Variants in ST8SIA6 observed in about 807,000 individuals in gnomAD.
ST8SIA6 encodes the protein alpha-2,8-sialyltransferase 8F.
Under a neutral mutation model 33.6 loss-of-function variants are expected in ST8SIA6, and 39 were observed. The ratio of observed to expected loss-of-function variants is 1.16; its 90% confidence interval spans 0.90 to 1.52. The LOEUF (loss-of-function observed/expected upper bound fraction) is 1.52, where lower values mean the gene tolerates loss of function less well. Among genes scored for constraint, ST8SIA6 ranks in the 40% most tolerant of loss-of-function variants. The pLI, the probability that ST8SIA6 is intolerant of heterozygous loss-of-function variation, is 0.00. For missense variants in ST8SIA6, 441 were observed against 443.8 expected, an observed-to-expected ratio of 0.99 and a Z score of 0.06; for synonymous variants, 172 against 167.2, an observed-to-expected ratio of 1.03 and a Z score of -0.22.
chr10:17,342,707 T>A (rs1848716691), intron 4 of ST8SIA6, among the ~76,000 whole-genome samples: 2 of 152,044 alleles, frequency 1.3e-5, no homozygotes, highest in African/African-American at 4.8e-5. Context: ...TCCCAGCACT[T>A]TAGGAGGCCA....
rs138273178 is a variant in ST8SIA6 at position 17,316,414 on chromosome 10, A to G, written c.*4464T>C. ...AGTTCACTGACTTCCGAAGAGACAG[A>G]TATCTGTGAGTCCAATTTGTCTACT... On this transcript the variant is annotated 3_prime_UTR_variant, in exon 8 of 8. Coordinates refer to ENST00000377602, the MANE Select transcript of ST8SIA6 (RefSeq NM_001004470.3). Among the ~76,000 whole-genome samples the G allele has an allele frequency of 6.6e-6, 1 of 152,114 alleles. No homozygotes were observed. Among genetic ancestry groups the G allele is most frequent in the Non-Finnish European group, 1.5e-5 (1 of 67,954 alleles).
At chr10:17,401,313 C>T (rs1204293851) in intron 2 of ST8SIA6, among the ~76,000 whole-genome samples, 2 of 152,204 alleles carry the variant, frequency 1.3e-5, no homozygotes, top group African/African-American at 4.8e-5. Flanking sequence ...ATTCCATGCT[C>T]ATGGATAGGA....
chr10:17,401,441 A>G (rs1851037207), intron 2 of ST8SIA6, among the ~76,000 whole-genome samples: 1 of 152,238 alleles, frequency 6.6e-6, no homozygotes, highest in African/African-American at 2.4e-5. Flanking sequence ...TTTAAAGTTC[A>G]TATGGAACCA....
intron 4 of ST8SIA6, among the ~76,000 whole-genome samples, chr10:17,333,718 T>TATATATAGATATATATATATATA (rs1491246829): frequency 4.1e-5 from 1 of 24,280 alleles, no homozygotes; most frequent in African/African-American, 1.7e-4. Context: ...TATATATATA[T>TATATATAGATATATATATATATA]TTTTTTTTTT....
intron 2 of ST8SIA6, among the ~76,000 whole-genome samples, chr10:17,425,670 AAAG>A (rs560558622): frequency 8.5e-4 from 128 of 150,476 alleles, no homozygotes; most frequent in African/African-American, 2.5e-3. Flanking sequence ...GGAAGGGAAG[AAAG>A]AAAAAGAAGG....
At chr10:17,449,452 T>A (rs1326698810) in intron 2 of ST8SIA6, among the ~76,000 whole-genome samples, 3 of 152,210 alleles carry the variant, frequency 2.0e-5, no homozygotes, top group African/African-American at 7.2e-5. Context: ...GACCTTACCC[T>A]AGACCACTTG....
intron 2 of ST8SIA6, among the ~76,000 whole-genome samples, chr10:17,407,671 T>C (rs1360584642): frequency 6.6e-6 from 1 of 152,206 alleles, no homozygotes; most frequent in Non-Finnish European, 1.5e-5. Flanking sequence ...GCTTACTGTG[T>C]GCAGGCAGAA....
chr10:17,348,779 C>T (rs1848934356), intron 4 of ST8SIA6, among the ~76,000 whole-genome samples: 1 of 152,198 alleles, frequency 6.6e-6, no homozygotes, highest in African/African-American at 2.4e-5. Flanking sequence ...TTCTGGCTCC[C>T]TTCCAAATCC....
At chr10:17,385,111 A>G (rs1423921486) in intron 3 of ST8SIA6, among the ~76,000 whole-genome samples, 2 of 152,210 alleles carry the variant, frequency 1.3e-5, no homozygotes, top group Non-Finnish European at 2.9e-5. Context: ...CTCCAAAATC[A>G]CTAAGGGAAA....
chr10:17,406,337 C>T (rs1247612883), intron 2 of ST8SIA6, among the ~76,000 whole-genome samples: 2 of 152,176 alleles, frequency 1.3e-5, no homozygotes, highest in Non-Finnish European at 2.9e-5. Flanking sequence ...TCACTCCCTT[C>T]ATTTCCCATA....
chr10:17,436,501 T>C (rs1257948973), intron 2 of ST8SIA6, among the ~76,000 whole-genome samples: 1 of 151,284 alleles, frequency 6.6e-6, no homozygotes, highest in Admixed American at 6.6e-5. Context: ...TAGGTATCTC[T>C]CCTAATGCTA....
At chr10:17,356,843 C>T (rs1216137824) in intron 4 of ST8SIA6, among the ~76,000 whole-genome samples, 1 of 152,066 alleles carries the variant, frequency 6.6e-6, no homozygotes, top group Admixed American at 6.6e-5. Context: ...TTCTATACCT[C>T]ATAATCTGCA....
intron 2 of ST8SIA6, among the ~76,000 whole-genome samples, chr10:17,450,966 G>A (rs1007144470): frequency 6.6e-5 from 10 of 152,116 alleles, no homozygotes; most frequent in African/African-American, 2.2e-4. Context: ...TTAAACGTGT[G>A]GGATTCTGGA....
chr10:17,421,693 G>C (rs1851784861), intron 2 of ST8SIA6, among the ~76,000 whole-genome samples: 1 of 151,990 alleles, frequency 6.6e-6, no homozygotes, highest in African/African-American at 2.4e-5. Flanking sequence ...CTCCCCACTA[G>C]CTGGGACTAC....
At chr10:17,389,046 CAT>C (rs1279689917) in intron 3 of ST8SIA6, among the ~76,000 whole-genome samples, 8 of 152,124 alleles carry the variant, frequency 5.3e-5, no homozygotes, top group Middle Eastern at 3.2e-3. Flanking sequence ...CCCCCAGACT[CAT>C]AATCTGGCTC....
At chr10:17,322,961 G>A in intron 7 of ST8SIA6, 104 bp downstream of exon 7, 3 of 1,016,430 alleles carry the variant, frequency 3.0e-6, no homozygotes, top group East Asian at 5.0e-5. Flanking sequence ...CATTCCACCT[G>A]TACTGCAAGT....
intron 6 of ST8SIA6, among the ~76,000 whole-genome samples, chr10:17,326,098 A>G (rs1216752944): frequency 6.6e-6 from 1 of 152,196 alleles, no homozygotes; most frequent in Admixed American, 6.5e-5. Flanking sequence ...TAATTGTTGC[A>G]CTGTCGGGTC....
intron 4 of ST8SIA6, among the ~76,000 whole-genome samples, chr10:17,344,504 A>C (rs1848771419): frequency 6.6e-6 from 1 of 152,182 alleles, no homozygotes; most frequent in South Asian, 2.1e-4. Context: ...CCATGAGAAC[A>C]GTATGGGGGA....
In ST8SIA6 at chr10:17,317,918, A is replaced by G. The variant is rs2131564730; in HGVS notation, c.*2960T>C. 6.6e-6 allele frequency among the ~76,000 whole-genome samples: 1 copy of G among 152,348 alleles called. No homozygotes were observed. The highest frequency in any genetic ancestry group is 1.9e-4 in the East Asian group (1 of 5,188). On this transcript the variant is annotated 3_prime_UTR_variant, in exon 8 of 8. Coordinates refer to ENST00000377602, the MANE Select transcript of ST8SIA6 (RefSeq NM_001004470.3). ...TGTCATTGCCTTTTGTTCCAAGGGA[A>G]AAGCACCAGAGACTTCAAGGATGTT...
Sources: allele counts gnomAD v4.1 joint callset (sites outside exome capture counted in the v4.1 genomes callset), GRCh38; gene constraint gnomAD v4.1.1; transcripts MANE v1.5; gene names NCBI Gene and HGNC (gene_info 2026-07-23, HGNC 2026-07-21).